Variants in ALKBH8 observed in about 807,000 individuals in gnomAD.
ALKBH8 encodes alkB homolog 8, tRNA methyltransferase.
Under a neutral mutation model 59.8 loss-of-function variants are expected in ALKBH8, and 36 were observed. That is an observed-to-expected ratio of 0.60 (90% CI 0.46 to 0.79). ALKBH8 has a LOEUF of 0.79. ALKBH8 is among the 30% of genes least tolerant of loss of function. ALKBH8 has a pLI of 0.00. For missense variants in ALKBH8, 768 were observed against 801.0 expected (o/e 0.96, Z 0.50); for synonymous variants, 276 against 273.6 (o/e 1.01, Z -0.09).
rs933863926 is a variant in ALKBH8 at position 107,503,170 on chromosome 11, G to A, written c.*1488C>T. On this transcript the variant is annotated 3_prime_UTR_variant, in exon 12 of 12. Coordinates refer to ENST00000428149, the MANE Select transcript of ALKBH8 (RefSeq NM_138775.3). Reference sequence around the variant, plus strand: ...ACTTGACTTCAAACTTTGGTGTCAAGTACCAGAATTTATATCAGAAATAAA... The same window carrying A: ...ACTTGACTTCAAACTTTGGTGTCAAATACCAGAATTTATATCAGAAATAAA... The A allele has an allele frequency of 2.6e-5, 4 of 152,084 alleles. No individual in the cohort carries two copies. The highest frequency in any genetic ancestry group is 7.2e-5 in the African/African-American group (3 of 41,394). 9.4% of individuals were successfully genotyped at this position (152,084 alleles called of 1,614,324 possible).
chr11:107,550,225 G>A (rs770466364), intron 6 of ALKBH8, among the ~76,000 whole-genome samples: 54 of 152,184 alleles, frequency 3.5e-4, no homozygotes, highest in African/African-American at 5.1e-4. Flanking sequence ...CAATAATTAC[G>A]ATATGGACTT....
At position 107,503,298 on chromosome 11, in the gene ALKBH8, A is replaced by G. The variant is rs1421833659; in HGVS notation, c.*1360T>C. 1 of 152,164 alleles carries G rather than the reference A, an allele frequency of 6.6e-6. No homozygotes were observed. The highest frequency in any genetic ancestry group is 1.9e-4 in the East Asian group (1 of 5,190). The allele number at this position is 152,164 out of a possible 1,614,324, so 9.4% of individuals were successfully genotyped here. On this transcript the variant is annotated 3_prime_UTR_variant, in exon 12 of 12. Transcript: ENST00000428149. ...TGTTGGACTGAAATTCCATGAAAAA[A>G]ATAATCATCCTCTCATCTGAGACCC...
intron 3 of ALKBH8, among the ~76,000 whole-genome samples, chr11:107,554,233 G>A (rs764635086): frequency 4.6e-5 from 7 of 152,184 alleles, no homozygotes; most frequent in Non-Finnish European, 8.8e-5. Context: ...TGAACATGAT[G>A]AAGTCACTTT....
chr11:107,510,867 G>C lies in ALKBH8; in HGVS notation c.1437+20C>G, dbSNP rs1326161924. The stretch of plus-strand genomic sequence containing the variant: ...CTGCTTTAGCTACAAGTTCTTAAGA[G>C]AAAGAAAGACCATACTTACTGCTGT... On this transcript the variant is annotated intron_variant, in intron 11 of 11. Coordinates refer to ENST00000428149, the MANE Select transcript of ALKBH8 (RefSeq NM_138775.3). The C allele has an allele frequency of 1.9e-6, 3 of 1,548,942 alleles. No homozygotes were observed. The highest frequency in any genetic ancestry group is 2.6e-6 in the Non-Finnish European group (3 of 1,145,996).
rs1159071916 is a variant in ALKBH8 at position 107,565,621 on chromosome 11, G to C, written c.-27C>G. 3 of 1,535,606 alleles carry C rather than the reference G, an allele frequency of 2.0e-6. No homozygotes were observed. Among genetic ancestry groups the C allele is most frequent in the Non-Finnish European group, 2.6e-6 (3 of 1,146,918 alleles). On this transcript the variant is annotated 5_prime_UTR_variant, in exon 1 of 12. In the 5' UTR this introduces an upstream ATG that the reference lacks. Transcript: ENST00000428149. ...CACACCTCCGCTTCGGCTCAGGCCGGATTCTCACCATGCGTGTGCCTTCTT... is the reference window on the plus strand; with the variant it reads ...CACACCTCCGCTTCGGCTCAGGCCGCATTCTCACCATGCGTGTGCCTTCTT...
intron 9 of ALKBH8, among the ~76,000 whole-genome samples, chr11:107,523,050 CA>C (rs56663802): frequency 0.13 from 19,267 of 146,416 alleles, 1,454 homozygotes; most frequent in Admixed American, 0.22. Flanking sequence ...CTGCCTTGCT[CA>C]AAAAAAAAAA....
intron 8 of ALKBH8, among the ~76,000 whole-genome samples, chr11:107,526,731 T>C (rs78976694): frequency 0.013 from 2,026 of 152,136 alleles, 24 homozygotes; most frequent in South Asian, 0.034. Flanking sequence ...ACATCTATGA[T>C]CTACCTCACA....
intron 2 of ALKBH8, among the ~76,000 whole-genome samples, chr11:107,560,058 A>T (rs904521463): frequency 6.6e-6 from 1 of 152,186 alleles, no homozygotes; most frequent in Non-Finnish European, 1.5e-5. Context: ...TAACAATCTA[A>T]TGGGGTTAAA....
intron 7 of ALKBH8, among the ~76,000 whole-genome samples, chr11:107,544,662 C>T (rs2509203): frequency 0.77 from 116,973 of 152,020 alleles, 45,817 homozygotes; most frequent in South Asian, 0.85. Flanking sequence ...TAGAGACCCA[C>T]AGGATAAAAG....
Position 107,537,357 on chromosome 11 carries a change from T to C in ALKBH8, c.772-4951A>G, listed in dbSNP as rs550328685. Among the ~76,000 whole-genome samples, 56 of 152,290 alleles carry C rather than the reference T, an allele frequency of 3.7e-4. No homozygotes were observed. The South Asian group carries it at 0.012, about 32-fold the overall frequency. On this transcript the variant is annotated intron_variant, in intron 7 of 11. Coordinates refer to ENST00000428149, the MANE Select transcript of ALKBH8 (RefSeq NM_138775.3). The stretch of plus-strand genomic sequence containing the variant: ...AAGAACATGTGGTACATATACACCA[T>C]GGAATACTATGCAGCCATAAAAAGG...
At position 107,522,235 on chromosome 11, in the gene ALKBH8, G is replaced by A. The variant is rs1162389450; in HGVS notation, c.1287+64C>T. On this transcript the variant is annotated intron_variant, in intron 10 of 11. Transcript: ENST00000428149. ...TAAAAAAACAGGATTATATCATGAG[G>A]AAGAAAGATGATGATAACCACTGCA... 4 of 1,511,600 alleles carry A rather than the reference G, an allele frequency of 2.6e-6. No homozygotes were observed. The African/African-American group carries it at 5.6e-5, about 21-fold the overall frequency. The allele number at this position is 1,511,600 out of a possible 1,614,324, so 93.6% of individuals were successfully genotyped here. A position where few individuals can be genotyped will look rare whatever the true frequency, so the allele number is the denominator to read the frequency against.
chr11:107,560,963 T>C lies in ALKBH8; in HGVS notation c.-6-64A>G, dbSNP rs79562721. On this transcript the variant is annotated intron_variant, in intron 1 of 11. Transcript: ENST00000428149. ...AGTCCTGAAGGAACAATTATAATGA[T>C]GTTATTCATACATTCTATAGTTTAT... 1,487 of 1,392,452 alleles carry C rather than the reference T, an allele frequency of 1.1e-3. 16 individuals carry two copies. In the African/African-American group the frequency reaches 0.019, roughly 17 times the overall value. The allele number at this position is 1,392,452 out of a possible 1,614,324, so 86.3% of individuals were successfully genotyped here. A position where few individuals can be genotyped will look rare whatever the true frequency, so the allele number is the denominator to read the frequency against.
intron 11 of ALKBH8, among the ~76,000 whole-genome samples, chr11:107,506,618 C>A (rs1158141698): frequency 6.6e-6 from 1 of 151,992 alleles, no homozygotes; most frequent in Non-Finnish European, 1.5e-5. Context: ...TAGTTCAAGT[C>A]AGTATAAGTT....
At chr11:107,563,055 T>C (rs1865000024) in intron 1 of ALKBH8, among the ~76,000 whole-genome samples, 2 of 152,128 alleles carry the variant, frequency 1.3e-5, no homozygotes, top group South Asian at 4.1e-4. Context: ...TAATGAGTCA[T>C]ATTTAGGATA....
Position 107,553,223 on chromosome 11 carries a change from T to G in ALKBH8, c.500-20A>C. On this transcript the variant is annotated intron_variant, in intron 4 of 11. Transcript: ENST00000428149. ...TTTGAGCTGTGTGAAGAGAACAAAG[T>G]AAACAATTAAGAAGGAAAAGAATTA... is the stretch of plus-strand genomic sequence containing the variant. The G allele has an allele frequency of 6.8e-7, 1 of 1,477,304 alleles. No individual in the cohort carries two copies. Among genetic ancestry groups the G allele is most frequent in the Non-Finnish European group, 9.3e-7 (1 of 1,078,806 alleles). The allele number at this position is 1,477,304 out of a possible 1,614,324, so 91.5% of individuals were successfully genotyped here.
chr11:107,561,187 G>A (rs1226644125), intron 1 of ALKBH8, among the ~76,000 whole-genome samples: 1 of 152,064 alleles, frequency 6.6e-6, no homozygotes, highest in African/African-American at 2.4e-5. Context: ...CTTTACTTAT[G>A]AGGTCCTAAG....
At chr11:107,513,611 T>G (rs1023789869) in intron 10 of ALKBH8, among the ~76,000 whole-genome samples, 1 of 152,194 alleles carries the variant, frequency 6.6e-6, no homozygotes, top group Non-Finnish European at 1.5e-5. Context: ...TGCAGCATTA[T>G]TCACAATAGT....
In ALKBH8 at chr11:107,556,774, A is replaced by G. The variant is rs766956193; in HGVS notation, c.359T>C (p.Val120Ala). ...GQKITLYLNF[V>A]EKVQWKELRP... ...TAATTGTATGATAATACCTTTTTCC[A>G]CAAAATTCAAATACAGAGTGATCTT... The change falls in exon 3 of 12, where the codon GTG (valine) becomes GCG (alanine). Residue 120 changes from valine to alanine, a missense_variant. Coordinates refer to ENST00000428149, the MANE Select transcript of ALKBH8 (RefSeq NM_138775.3). The G allele has an allele frequency of 7.4e-6, 10 of 1,359,102 alleles. No individual in the cohort carries two copies. The highest frequency in any genetic ancestry group is 9.6e-6 in the Non-Finnish European group (10 of 1,045,744). 84.2% of individuals were successfully genotyped at this position (1,359,102 alleles called of 1,614,324 possible). A position where few individuals can be genotyped will look rare whatever the true frequency, so the allele number is the denominator to read the frequency against.
chr11:107,565,517 G>T, intron 1 of ALKBH8, 84 bp downstream of exon 1: 4 of 1,528,576 alleles, frequency 2.6e-6, no homozygotes, highest in Non-Finnish European at 3.5e-6. Flanking sequence ...AGCTGGCAAG[G>T]CGGATAGAGA....
Sources: gnomAD v4.1 joint callset for allele counts (sites outside exome capture counted in the v4.1 genomes callset) on GRCh38, gnomAD v4.1.1 for gene constraint, MANE v1.5 for transcripts, NCBI Gene and HGNC (gene_info 2026-07-23, HGNC 2026-07-21) for gene names.